RELN: variants seen among roughly 807,000 people sequenced by gnomAD.
RELN encodes the protein reelin.
Under a neutral mutation model 427.6 loss-of-function variants are expected in RELN, and 108 were observed. The ratio of observed to expected loss-of-function variants is 0.25; its 90% CI spans 0.22 to 0.30. The LOEUF is 0.30. Ranked by LOEUF, RELN falls within the 10% of genes least tolerant of loss-of-function variation. The pLI is 1.00. For synonymous variants in RELN, 1,524 were observed against 1,513.4 expected (o/e 1.01, Z -0.16); for missense variants, 3,715 against 4,302.8 (o/e 0.86, Z 3.82).
At chr7:103,884,335 G>A (rs371567282) in intron 2 of RELN, among the ~76,000 whole-genome samples, 6 of 152,138 alleles carry the variant, frequency 3.9e-5, no homozygotes, top group African/African-American at 9.7e-5. Flanking sequence ...AACCCTAGAA[G>A]AAAACTTAGG....
chr7:103,529,749 G>A (rs1829899004), intron 46 of RELN, among the ~76,000 whole-genome samples: 1 of 152,122 alleles, frequency 6.6e-6, no homozygotes, highest in Non-Finnish European at 1.5e-5. Flanking sequence ...GGGCTCTGGT[G>A]CCAGACAAAC....
At chr7:103,666,161 C>T (rs561953178) in intron 11 of RELN, among the ~76,000 whole-genome samples, 1 of 151,970 alleles carries the variant, frequency 6.6e-6, no homozygotes, top group South Asian at 2.1e-4. Flanking sequence ...ACGTCTTGGG[C>T]TCAAGCGAAC....
At chr7:103,654,054 C>A in intron 13 of RELN, 39 bp downstream of exon 13, 2 of 1,184,162 alleles carry the variant, frequency 1.7e-6, no homozygotes, top group South Asian at 2.4e-5. Flanking sequence ...CCAGGGTGGT[C>A]TGAGGTGGTC....
chr7:103,974,638 T>C (rs941869432), intron 1 of RELN, among the ~76,000 whole-genome samples: 1 of 152,246 alleles, frequency 6.6e-6, no homozygotes, highest in African/African-American at 2.4e-5. Flanking sequence ...TCTCAGCTGC[T>C]GTTCCCTTTG....
chr7:103,932,325 G>A (rs1211159261), intron 1 of RELN, among the ~76,000 whole-genome samples: 2 of 152,160 alleles, frequency 1.3e-5, no homozygotes, highest in African/African-American at 4.8e-5. Context: ...TTATAAGTGG[G>A]ACCTAAATGA....
intron 2 of RELN, among the ~76,000 whole-genome samples, chr7:103,841,169 A>G (rs887842635): frequency 2.6e-5 from 4 of 152,330 alleles, no homozygotes; most frequent in Middle Eastern, 3.4e-3. Context: ...AAAGTTGACA[A>G]CTTTTTTGAG....
At chr7:103,618,537 A>T (rs1318689671) in intron 20 of RELN, among the ~76,000 whole-genome samples, 1 of 152,212 alleles carries the variant, frequency 6.6e-6, no homozygotes, top group Non-Finnish European at 1.5e-5. Flanking sequence ...TTTTTGGGTT[A>T]TGTCAGGAAT....
Position 103,522,142 on chromosome 7 carries a change from G to C in RELN, c.7548C>G (p.Thr2516=). The C allele has an allele frequency of 6.2e-7, 1 of 1,614,064 alleles. No individual in the cohort carries two copies. The highest frequency in any genetic ancestry group is 8.5e-7 in the Non-Finnish European group (1 of 1,180,028). Residue 2516 remains threonine (T), a synonymous_variant, in exon 48 of 65, where the codon ACC becomes ACG. Transcript: ENST00000428762. ...YCDDPETSLP[T]QLKDNFNRAP... ...CTCGATTGAAGTTGTCTTTGAGTTG[G>C]GTTGGAAGAGAGGTCTCGGGGTCAT...
Position 103,497,909 on chromosome 7 carries a change from C to G in RELN, c.8861G>C (p.Gly2954Ala). The G allele has an allele frequency of 1.9e-6, 3 of 1,614,096 alleles. No individual in the cohort carries two copies. Among genetic ancestry groups the G allele is most frequent in the Non-Finnish European group, 2.5e-6 (3 of 1,179,996 alleles). Residue 2954 changes from glycine to alanine, a missense_variant, in exon 55 of 65, where the codon GGG (glycine) becomes GCG (alanine). Around this residue, in one of 4 missense-constraint regions of RELN, gnomAD observed 1,310 missense variants for 1,643.0 expected, o/e 0.80. Transcript: ENST00000428762. ...LRGAKFLQYW[G>A]RIGSENNMTS... is the part of the protein sequence containing the mutation. ...CATGTTGTTCTCACTACCGATGCGC[C>G]CCCAGTATTGCAGGAACCTGAATGC... is the stretch of plus-strand genomic sequence containing the variant.
Position 103,523,512 on chromosome 7 carries a change from G to A in RELN, c.7369C>T (p.Arg2457Cys), listed in dbSNP as rs750386872. Residue 2457 changes from arginine (R) to cysteine (C), a missense_variant, in exon 47 of 65, where the codon CGT (arginine) becomes TGT (cysteine). Arg to Cys is a radical substitution (Grantham distance 180, BLOSUM62 -3). Around this residue, in one of 4 missense-constraint regions of RELN, gnomAD observed 1,310 missense variants for 1,643.0 expected, o/e 0.80. Transcript: ENST00000428762. ...PYTRSQATRF[R>C]WHQPAPFDKQ... is the part of the protein sequence containing the mutation. ...TCAAAAGGAGCTGGTTGATGCCAACGGAAACGAGTGGCTTGGGACCTTTGA... is the reference window on the plus strand; with the variant it reads ...TCAAAAGGAGCTGGTTGATGCCAACAGAAACGAGTGGCTTGGGACCTTTGA... 35 of 1,613,890 alleles carry A rather than the reference G, an allele frequency of 2.2e-5. 1 individual carries two copies. The South Asian group carries it at 2.6e-4, about 12-fold the overall frequency.
At chr7:103,809,398 G>GA (rs1792679745) in intron 3 of RELN, among the ~76,000 whole-genome samples, 3 of 152,048 alleles carry the variant, frequency 2.0e-5, no homozygotes, top group Admixed American at 6.6e-5. Context: ...CAAAGCAGCG[G>GA]GAGAGAGAGA....
chr7:103,475,007 A>G (rs548170746), intron 64 of RELN, among the ~76,000 whole-genome samples: 38 of 152,256 alleles, frequency 2.5e-4, no homozygotes, highest in Non-Finnish European at 4.9e-4. Context: ...CTATGGAGCA[A>G]CAGCTAAGCC....
At position 103,884,163 on chromosome 7, in the gene RELN, T is replaced by C. The variant is rs141020092; in HGVS notation, c.337+32912A>G. ...ACCATCTGATCTTTGACAAACCTGA[T>C]AAAAACAAGAAATGGGGAAAGGATT... is the stretch of plus-strand genomic sequence containing the variant. On this transcript the variant is annotated intron_variant, in intron 2 of 64. Coordinates refer to ENST00000428762, the MANE Select transcript of RELN (RefSeq NM_005045.4). Among the ~76,000 whole-genome samples, 603 of 152,034 alleles carry C rather than the reference T, an allele frequency of 4.0e-3. 22 individuals are homozygous for C. In the East Asian group the frequency reaches 0.072, roughly 18 times the overall value.
intron 22 of RELN, among the ~76,000 whole-genome samples, chr7:103,605,037 C>G (rs1332127607): frequency 1.3e-5 from 2 of 152,136 alleles, no homozygotes; most frequent in Non-Finnish European, 2.9e-5. Flanking sequence ...ACCATGTTGG[C>G]CAGGCTGCTC....
intron 7 of RELN, among the ~76,000 whole-genome samples, chr7:103,727,162 G>C (rs1584439623): frequency 6.6e-6 from 1 of 152,124 alleles, no homozygotes. Context: ...ATTTACATTG[G>C]AAGTCAGTCT....
chr7:103,746,272 T>C (rs1790828466), intron 6 of RELN, among the ~76,000 whole-genome samples: 1 of 152,194 alleles, frequency 6.6e-6, no homozygotes, highest in Admixed American at 6.5e-5. Context: ...TAATTCAAGA[T>C]GGATTAAAGA....
At chr7:103,705,275 A>G (rs1834175890) in intron 8 of RELN, among the ~76,000 whole-genome samples, 1 of 152,166 alleles carries the variant, frequency 6.6e-6, no homozygotes, top group South Asian at 2.1e-4. Context: ...TCAAAATTAG[A>G]AGTATTGATT....
At chr7:103,861,563 T>G (rs546763456) in intron 2 of RELN, among the ~76,000 whole-genome samples, 1 of 152,272 alleles carries the variant, frequency 6.6e-6, no homozygotes, top group East Asian at 1.9e-4. Flanking sequence ...GGGAAACTCC[T>G]GCTCACCAAA....
At chr7:103,949,975 G>A (rs949569407) in intron 1 of RELN, among the ~76,000 whole-genome samples, 1 of 152,172 alleles carries the variant, frequency 6.6e-6, no homozygotes, top group Non-Finnish European at 1.5e-5. Context: ...AGTTTTGTCA[G>A]GTTGCCATAA....
Sources: allele counts gnomAD v4.1 joint callset (sites outside exome capture counted in the v4.1 genomes callset), GRCh38; gene constraint gnomAD v4.1.1; regional missense constraint gnomAD v4.1.1; transcripts MANE v1.5; gene names NCBI Gene and HGNC (gene_info 2026-07-23, HGNC 2026-07-21).